The following STAB2 variants were observed in gnomAD, a reference collection of about 807,000 sequenced individuals.
The protein encoded by STAB2 is stabilin-2.
In STAB2, 288 loss-of-function variants were observed where a neutral mutation model predicts 338.1. The ratio of observed to expected loss-of-function variants is 0.85; its 90% CI spans 0.77 to 0.94. The LOEUF (loss-of-function observed/expected upper bound fraction) is 0.94. Ranked by LOEUF, STAB2 falls within the 40% of genes least tolerant of loss-of-function variation. STAB2 has a pLI of 0.00. For missense variants in STAB2, 3,141 were observed against 3,210.1 expected, an observed-to-expected ratio of 0.98 and a Z score of 0.52; for synonymous variants, 1,202 against 1,193.3, an observed-to-expected ratio of 1.01 and a Z score of -0.15.
chr12:103,669,387 C>T, intron 20 of STAB2, 154 bp from the exon 21 acceptor site: 1 of 647,978 alleles, frequency 1.5e-6, no homozygotes, highest in Non-Finnish European at 2.7e-6. Context: ...GATGACTGAG[C>T]ACTAGCCATG....
At chr12:103,633,945 C>T (rs150689393) in intron 6 of STAB2, among the ~76,000 whole-genome samples, 114 of 152,154 alleles carry the variant, frequency 7.5e-4, no homozygotes, top group African/African-American at 2.6e-3. Context: ...CTTCTGTGTC[C>T]CCAATTCTAA....
chr12:103,744,440 C>G (rs1375349631), intron 56 of STAB2, among the ~76,000 whole-genome samples: 1 of 150,516 alleles, frequency 6.6e-6, no homozygotes, highest in Non-Finnish European at 1.5e-5. Flanking sequence ...GCATGATCCA[C>G]TGCACCTGGC....
intron 2 of STAB2, 75 bp downstream of exon 2, chr12:103,591,105 T>C: frequency 6.3e-7 from 1 of 1,588,110 alleles, no homozygotes; most frequent in Non-Finnish European, 8.6e-7. Flanking sequence ...CTGCAAAGCA[T>C]TTCCATGACT....
In STAB2 at chr12:103,759,167, C is replaced by A; in HGVS notation, c.7142C>A (p.Ala2381Asp). Residue 2381 changes from alanine (A) to aspartate (D), a missense_variant, in exon 65 of 69, where the codon GCC becomes GAC. Transcript: ENST00000388887. ...GGGCGGGACATCGAGCACCACCTCG[C>A]CAATGTCAGCATGTTTTTCTACAAT... ...LSGRDIEHHL[A>D]NVSMFFYNDL... 6.2e-7 allele frequency: 1 copy of A among 1,614,192 alleles called. No homozygotes were observed.
chr12:103,707,918 G>T (rs1381837873), intron 38 of STAB2, among the ~76,000 whole-genome samples: 1 of 152,164 alleles, frequency 6.6e-6, no homozygotes, highest in African/African-American at 2.4e-5. Context: ...GGGATTTGTA[G>T]ATGACCCTGA....
In STAB2 at chr12:103,763,561, G is replaced by A. The variant is rs772152293; in HGVS notation, c.7558G>A (p.Glu2520Lys). The A allele has an allele frequency of 9.9e-6, 16 of 1,613,968 alleles. No homozygotes were observed. The highest frequency in any genetic ancestry group is 1.7e-5 in the Admixed American group (1 of 59,992). ...QPENISNPLYESTTSAPPEPS... is the reference protein window; with the variant it reads ...QPENISNPLYKSTTSAPPEPS... ...TGAGAATATCTCGAACCCCTTGTAT[G>A]AGAGCACAACCTCAGCTCCCCCAGA... is the stretch of plus-strand genomic sequence containing the variant. The change falls in exon 68 of 69, where the codon GAG becomes AAG. Residue 2520 changes from glutamate (E) to lysine (K), a missense_variant. Physicochemically the swap from Glu to Lys is moderately conservative, Grantham distance 56 (BLOSUM62 1). Coordinates refer to ENST00000388887, the MANE Select transcript of STAB2 (RefSeq NM_017564.10).
At chr12:103,752,952 T>A (rs1367727185) in intron 60 of STAB2, among the ~76,000 whole-genome samples, 2 of 152,222 alleles carry the variant, frequency 1.3e-5, no homozygotes, top group Non-Finnish European at 2.9e-5. Context: ...TAATGATTAT[T>A]TCTGGAGAAT....
At chr12:103,738,000 C>G (rs564015190) in intron 53 of STAB2, among the ~76,000 whole-genome samples, 3 of 152,164 alleles carry the variant, frequency 2.0e-5, no homozygotes, top group Non-Finnish European at 4.4e-5. Flanking sequence ...ATCCACCCAT[C>G]TACTCACCCA....
chr12:103,588,549 C>T (rs182424335), intron 1 of STAB2, among the ~76,000 whole-genome samples: 82 of 152,238 alleles, frequency 5.4e-4, no homozygotes, highest in African/African-American at 1.8e-3. Flanking sequence ...TTTGCATTCA[C>T]ACAGAAATCA....
At chr12:103,735,045 C>T (rs952152219) in intron 51 of STAB2, among the ~76,000 whole-genome samples, 13 of 152,206 alleles carry the variant, frequency 8.5e-5, no homozygotes, top group African/African-American at 3.1e-4. Flanking sequence ...CTCATCCTAA[C>T]TAGTTACATC....
At position 103,678,881 on chromosome 12, in the gene STAB2, TGG is replaced by T. The variant is rs1876635705; in HGVS notation, c.2805+1271_2805+1272del. On this transcript the variant is annotated intron_variant, in intron 25 of 68. Coordinates refer to ENST00000388887, the MANE Select transcript of STAB2 (RefSeq NM_017564.10). ...AAGAAGTTTTTAGGGCCTCCCTCTGTGGCTTTAGGCATCATTCCCACTCACTC... is the reference window on the plus strand; with the variant it reads ...AAGAAGTTTTTAGGGCCTCCCTCTGTCTTTAGGCATCATTCCCACTCACTC... 5.3e-5 allele frequency among the ~76,000 whole-genome samples: 8 copies of T among 152,242 alleles called. 1 individual carries two copies. In the South Asian group the frequency reaches 1.7e-3, roughly 32 times the overall value.
At chr12:103,677,813 G>T (rs1173020028) in intron 25 of STAB2, among the ~76,000 whole-genome samples, 1 of 152,248 alleles carries the variant, frequency 6.6e-6, no homozygotes, top group African/African-American at 2.4e-5. Context: ...GAGGCAATGA[G>T]AAGCTATTTG....
At chr12:103,742,983 G>A (rs1204588208) in intron 56 of STAB2, among the ~76,000 whole-genome samples, 4 of 151,530 alleles carry the variant, frequency 2.6e-5, no homozygotes. Context: ...AAGGTACAAA[G>A]AGCTTAAGTG....
intron 3 of STAB2, 74 bp downstream of exon 3, chr12:103,594,584 A>G (rs1593119413): frequency 1.7e-6 from 2 of 1,168,984 alleles, no homozygotes; most frequent in East Asian, 4.7e-5. Context: ...AGATGAAGGA[A>G]GCCCAATAAA....
At chr12:103,727,459 T>G (rs1881302199) in intron 47 of STAB2, 109 bp downstream of exon 47, 2 of 1,282,974 alleles carry the variant, frequency 1.6e-6, no homozygotes, top group South Asian at 2.4e-5. Context: ...AGCTCTGAGA[T>G]CAGGTGGAAC....
At chr12:103,760,401 C>T (rs1374181022) in intron 65 of STAB2, among the ~76,000 whole-genome samples, 3 of 152,174 alleles carry the variant, frequency 2.0e-5, no homozygotes, top group African/African-American at 7.2e-5. Flanking sequence ...GCTGGGACTA[C>T]AGGTGCCCGC....
intron 1 of STAB2, among the ~76,000 whole-genome samples, chr12:103,588,558 C>G (rs1956748743): frequency 6.6e-6 from 1 of 152,142 alleles, no homozygotes; most frequent in Non-Finnish European, 1.5e-5. Context: ...ACACAGAAAT[C>G]AGACCTTAAC....
At chr12:103,764,092 T>G (rs922329061) in intron 68 of STAB2, among the ~76,000 whole-genome samples, 1 of 152,100 alleles carries the variant, frequency 6.6e-6, no homozygotes. Flanking sequence ...TAGCTGGGAT[T>G]ACAGGCGCAT....
Position 103,723,597 on chromosome 12 carries a change from A to G in STAB2, c.4684-1378A>G, listed in dbSNP as rs55830331. On this transcript the variant is annotated intron_variant, in intron 44 of 68. Transcript: ENST00000388887. ...TGCAAAAGTGCAAGCATCTGTGTAC[A>G]TACCTTTGAAGGGAGTCCAGATAGC... Among the ~76,000 whole-genome samples the G allele has an allele frequency of 9.9e-3, 1,512 of 152,378 alleles. 9 individuals are homozygous for G. Among genetic ancestry groups the G allele is most frequent in the Middle Eastern group, 0.031 (9 of 294 alleles).
Sources: gnomAD v4.1 joint callset for allele counts (sites outside exome capture counted in the v4.1 genomes callset) on GRCh38, gnomAD v4.1.1 for gene constraint, MANE v1.5 for transcripts, NCBI Gene and HGNC (gene_info 2026-07-23, HGNC 2026-07-21) for gene names.